The following PIRT variants were observed in gnomAD, a reference collection of about 807,000 sequenced individuals.
The protein encoded by PIRT is phosphoinositide interacting regulator of transient receptor potential channels.
PIRT carries 6 observed loss-of-function variants against 7.9 expected under a neutral mutation model. That is an observed-to-expected ratio of 0.76 (90% CI 0.42 to 1.51). The LOEUF (loss-of-function observed/expected upper bound fraction) is 1.51, where lower values mean the gene tolerates loss of function less well. Ranked by LOEUF, PIRT falls within the 40% of genes most tolerant of loss-of-function variation. The pLI, the probability that PIRT is intolerant of heterozygous loss-of-function variation, is 0.01. For synonymous variants in PIRT, 78 were observed against 71.8 expected (o/e 1.09, Z -0.44); for missense variants, 170 against 172.9 (o/e 0.98, Z 0.09).
intron 1 of PIRT, among the ~76,000 whole-genome samples, chr17:10,831,176 A>G (rs1244777022): frequency 6.6e-6 from 1 of 152,108 alleles, no homozygotes; most frequent in African/African-American, 2.4e-5. Context: ...TCTGTCGGGG[A>G]CAAGGTAACA....
At chr17:10,834,390 C>A (rs1219889835) in intron 1 of PIRT, among the ~76,000 whole-genome samples, 2 of 152,132 alleles carry the variant, frequency 1.3e-5, no homozygotes, top group Non-Finnish European at 2.9e-5. Context: ...ATGTTTCCAT[C>A]TACCTGGCAT....
At chr17:10,835,614 C>G (rs559167503) in intron 1 of PIRT, among the ~76,000 whole-genome samples, 41 of 152,342 alleles carry the variant, frequency 2.7e-4, no homozygotes, top group African/African-American at 9.6e-4. Flanking sequence ...AGAACTGCAG[C>G]CTTGGCTGAG....
chr17:10,836,710 G>T (rs1597589735), intron 1 of PIRT, among the ~76,000 whole-genome samples: 1 of 152,278 alleles, frequency 6.6e-6, no homozygotes, highest in East Asian at 1.9e-4. Flanking sequence ...AGTTGCAAGA[G>T]CTGAAAGCAG....
intron 1 of PIRT, among the ~76,000 whole-genome samples, chr17:10,834,004 C>T (rs1025150837): frequency 1.3e-5 from 2 of 151,940 alleles, no homozygotes; most frequent in Non-Finnish European, 2.9e-5. Context: ...TGGAACAACC[C>T]GAGCTGGTGG....
At chr17:10,829,973 A>G (rs761628047) in intron 1 of PIRT, among the ~76,000 whole-genome samples, 2 of 101,994 alleles carry the variant, frequency 2.0e-5, no homozygotes, top group Admixed American at 9.7e-5. Flanking sequence ...CTGTCTATCT[A>G]TCTATCTATC....
intron 1 of PIRT, among the ~76,000 whole-genome samples, chr17:10,827,344 T>A (rs763022101): frequency 6.6e-6 from 1 of 152,202 alleles, no homozygotes; most frequent in Non-Finnish European, 1.5e-5. Context: ...TGTGGAGCAA[T>A]TTCAGGGCTG....
Position 10,824,986 on chromosome 17 carries a change from G to A in PIRT, c.*246C>T, listed in dbSNP as rs759002740. 1.2e-3 allele frequency: 697 copies of A among 558,696 alleles called. 2 individuals are homozygous for A. The highest frequency in any genetic ancestry group is 1.9e-3 in the Middle Eastern group (4 of 2,096). 34.6% of individuals were successfully genotyped at this position (558,696 alleles called of 1,614,324 possible). On this transcript the variant is annotated 3_prime_UTR_variant, in exon 2 of 2. Coordinates refer to ENST00000580256, the MANE Select transcript of PIRT (RefSeq NM_001101387.2). ...GGATGCAGGGGCAGGGGGTTAGAGT[G>A]ACCAAAGGGAAGGCCACAGCCGGGA...
intron 1 of PIRT, among the ~76,000 whole-genome samples, chr17:10,831,760 T>C (rs1258434048): frequency 1.3e-5 from 2 of 152,240 alleles, no homozygotes; most frequent in East Asian, 3.9e-4. Context: ...TGCCCCAGAC[T>C]GGGCAAGGAC....
chr17:10,831,918 G>T (rs1267455317), intron 1 of PIRT, among the ~76,000 whole-genome samples: 1 of 152,184 alleles, frequency 6.6e-6, no homozygotes, highest in Non-Finnish European at 1.5e-5. Context: ...CTGGAGGCCA[G>T]TTTGGAGCTT....
chr17:10,832,256 G>A (rs1468471016), intron 1 of PIRT, among the ~76,000 whole-genome samples: 4 of 151,958 alleles, frequency 2.6e-5, no homozygotes, highest in African/African-American at 7.3e-5. Flanking sequence ...GCAATGGCAC[G>A]ATCTCGGCTC....
At chr17:10,834,449 T>C (rs2151535978) in intron 1 of PIRT, among the ~76,000 whole-genome samples, 1 of 152,264 alleles carries the variant, frequency 6.6e-6, no homozygotes, top group South Asian at 2.1e-4. Flanking sequence ...CAGAAAATTG[T>C]TGTGGGGCTT....
At chr17:10,827,465 C>CTTTTCTTTTTTTTTTTTTTTTTTTTTTTT (rs1905353956) in intron 1 of PIRT, among the ~76,000 whole-genome samples, 2 of 56,290 alleles carry the variant, frequency 3.6e-5, no homozygotes, top group African/African-American at 1.5e-4. Flanking sequence ...TTTTTCTTTT[C>CTTTTCTTTTTTTTTTTTTTTTTTTTTTTT]TTTTTTTTTT....
At chr17:10,835,936 T>A (rs2151536457) in intron 1 of PIRT, among the ~76,000 whole-genome samples, 1 of 149,878 alleles carries the variant, frequency 6.7e-6, no homozygotes, top group East Asian at 2.0e-4. Flanking sequence ...GGAGTTTCGC[T>A]CTTTTGCCCA....
At chr17:10,826,994 T>C (rs1044713083) in intron 1 of PIRT, among the ~76,000 whole-genome samples, 16 of 152,092 alleles carry the variant, frequency 1.1e-4, no homozygotes, top group African/African-American at 3.9e-4. Context: ...GTATTTTTAG[T>C]AGAGATGGGG....
Position 10,838,062 on chromosome 17 carries a change from A to C in PIRT, c.-256T>G, listed in dbSNP as rs1905635530. 2 of 152,244 alleles carry C rather than the reference A, an allele frequency of 1.3e-5. No homozygotes were observed. Among genetic ancestry groups the C allele is most frequent in the Admixed American group, 6.5e-5 (1 of 15,282 alleles). 9.4% of individuals were successfully genotyped at this position (152,244 alleles called of 1,614,324 possible). ...ATGCCAGCCAGAGAAAGCCACCCTG[A>C]CCACGTCCAGAAGTCAGTGTGTTGT... On this transcript the variant is annotated 5_prime_UTR_variant, in exon 1 of 2. Coordinates refer to ENST00000580256, the MANE Select transcript of PIRT (RefSeq NM_001101387.2).
rs539404321 is a variant in PIRT, at chr17:10,825,312, G to T, written c.334C>A (p.Pro112Thr). 4.3e-6 allele frequency: 7 copies of T among 1,613,894 alleles called. No individual in the cohort carries two copies. The South Asian group carries it at 6.6e-5, about 15-fold the overall frequency. Residue 112 changes from proline (P) to threonine (T), a missense_variant, in exon 2 of 2, where the codon CCC becomes ACC. Pro to Thr is a conservative substitution (Grantham distance 38, BLOSUM62 -1). Transcript: ENST00000580256. ...TGCTTCTGTTTCTTTTTGATGATGGGCACCCACACCAGCCCGCACACCAGC... is the reference window on the plus strand; with the variant it reads ...TGCTTCTGTTTCTTTTTGATGATGGTCACCCACACCAGCCCGCACACCAGC... ...MMLVCGLVWV[P>T]IIKKKQKHRQ...
chr17:10,837,312 G>T (rs1000230573), intron 1 of PIRT, among the ~76,000 whole-genome samples: 1 of 152,236 alleles, frequency 6.6e-6, no homozygotes, highest in African/African-American at 2.4e-5. Flanking sequence ...ACAGTTGCCT[G>T]ACTGAGCCAC....
chr17:10,827,272 C>G (rs573797934), intron 1 of PIRT, among the ~76,000 whole-genome samples: 1 of 152,156 alleles, frequency 6.6e-6, no homozygotes, highest in Non-Finnish European at 1.5e-5. Flanking sequence ...ATCTGCATAG[C>G]TCTCAGCCAC....
At chr17:10,826,857 G>T (rs1238354140) in intron 1 of PIRT, among the ~76,000 whole-genome samples, 3 of 151,892 alleles carry the variant, frequency 2.0e-5, no homozygotes, top group African/African-American at 7.3e-5. Context: ...TTGTTGCCCA[G>T]GCAGGAGTGC....
Sources: allele counts gnomAD v4.1 joint callset (sites outside exome capture counted in the v4.1 genomes callset), GRCh38; gene constraint gnomAD v4.1.1; transcripts MANE v1.5; gene names NCBI Gene and HGNC (gene_info 2026-07-23, HGNC 2026-07-21).